Variants in NOS2 observed in about 807,000 individuals in gnomAD.
NOS2 encodes nitric oxide synthase, inducible.
NOS2 carries 96 observed loss-of-function variants against 136.0 expected under a neutral mutation model. The ratio of observed to expected loss-of-function variants is 0.71; its 90% CI spans 0.60 to 0.84. The LOEUF (loss-of-function observed/expected upper bound fraction) is 0.84. Among genes scored for constraint, NOS2 ranks in the 40% least tolerant of loss-of-function variants. The probability of loss-of-function intolerance (pLI) is 0.00; values close to 1 mark genes in which losing one functional copy is unlikely to be tolerated. For missense variants in NOS2, 1,237 were observed against 1,496.9 expected (o/e 0.83, Z 2.87); for synonymous variants, 539 against 587.5 (o/e 0.92, Z 1.20).
At chr17:27,790,936 G>T (rs1253208757) in intron 2 of NOS2, among the ~76,000 whole-genome samples, 2 of 152,108 alleles carry the variant, frequency 1.3e-5, no homozygotes, top group Non-Finnish European at 2.9e-5. Flanking sequence ...ATTTTCCAGG[G>T]TATGCATGCT....
At chr17:27,775,350 C>T (rs1009728214) in intron 11 of NOS2, among the ~76,000 whole-genome samples, 4 of 152,120 alleles carry the variant, frequency 2.6e-5, no homozygotes, top group African/African-American at 4.8e-5. Flanking sequence ...ATAATCCCAG[C>T]ACTTTGGGAG....
chr17:27,772,524 GA>G, intron 13 of NOS2, 72 bp from the exon 14 acceptor site: 1 of 1,562,202 alleles, frequency 6.4e-7, no homozygotes, highest in Non-Finnish European at 8.8e-7. Flanking sequence ...GGGACCAGGG[GA>G]ATGGGAGGGG....
intron 2 of NOS2, among the ~76,000 whole-genome samples, chr17:27,790,826 G>A (rs1909162801): frequency 1.3e-5 from 2 of 152,146 alleles, no homozygotes; most frequent in African/African-American, 4.8e-5. Context: ...TCATTCCGGC[G>A]AACTGAATAG....
At position 27,780,814 on chromosome 17, in the gene NOS2, G is replaced by A. The variant is rs34719207; in HGVS notation, c.957C>T (p.Phe319=). 6.8e-4 allele frequency: 1,102 copies of A among 1,614,192 alleles called. 6 individuals are homozygous for A. In the African/African-American group the frequency reaches 0.012, roughly 17 times the overall value. ...CAAGCACAAGGTCAGGTGGGATTTC[G>A]AAGAGCTCAGGGTCACGGCCATTGG... ...LQANGRDPEL[F]EIPPDLVLEV... The change falls in exon 9 of 27, where the codon TTC becomes TTT. Residue 319 remains phenylalanine, a synonymous_variant. Transcript: ENST00000313735.
intron 11 of NOS2, among the ~76,000 whole-genome samples, chr17:27,776,677 GAAAAAA>G (rs34069634): frequency 1.3e-5 from 1 of 78,124 alleles, no homozygotes; most frequent in Non-Finnish European, 2.5e-5. Flanking sequence ...ATCTCCAAAG[GAAAAAA>G]AAAAAAAAAA....
chr17:27,788,195 T>TGC (rs1909078336), intron 4 of NOS2, among the ~76,000 whole-genome samples: 3 of 39,964 alleles, frequency 7.5e-5, no homozygotes, highest in African/African-American at 2.2e-4. Flanking sequence ...GGCACACGCG[T>TGC]GCACACACAC....
At chr17:27,758,802 C>T (rs888514719) in intron 26 of NOS2, 79 bp downstream of exon 26, 76 of 1,134,980 alleles carry the variant, frequency 6.7e-5, no homozygotes, top group Middle Eastern at 6.2e-4. Context: ...TCCCCTGGGT[C>T]TACCTGCCAC....
intron 11 of NOS2, among the ~76,000 whole-genome samples, chr17:27,777,945 G>T (rs912037366): frequency 6.6e-5 from 10 of 151,990 alleles, no homozygotes; most frequent in Non-Finnish European, 1.5e-4. Context: ...GGCAGGCTAA[G>T]GTGGGAGGAT....
intron 5 of NOS2, among the ~76,000 whole-genome samples, chr17:27,786,871 G>A (rs1020256645): frequency 2.0e-5 from 3 of 152,148 alleles, no homozygotes; most frequent in African/African-American, 7.2e-5. Flanking sequence ...AATTGTATAC[G>A]TTGGCAATAA....
At chr17:27,796,308 G>A (rs1354282476) in intron 2 of NOS2, among the ~76,000 whole-genome samples, 1 of 152,070 alleles carries the variant, frequency 6.6e-6, no homozygotes, top group African/African-American at 2.4e-5. Context: ...AAATTAACCA[G>A]GCGTGGTGGC....
chr17:27,788,814 T>G lies in NOS2; in HGVS notation c.313A>C (p.Lys105Gln). 6.2e-7 allele frequency: 1 copy of G among 1,613,802 alleles called. No individual in the cohort carries two copies. Among genetic ancestry groups the G allele is most frequent in the Non-Finnish European group, 8.5e-7 (1 of 1,179,858 alleles). Residue 105 changes from lysine (K) to glutamine (Q), a missense_variant, in exon 4 of 27, where the codon AAA becomes CAA. Physicochemically the swap from Lys to Gln is moderately conservative, Grantham distance 53. This residue lies in a region of NOS2 where 440 missense variants were observed against 545.4 expected (regional missense o/e 0.81). Transcript: ENST00000313735. ...CCCTGAAGCCCCAGACTTACCCCTTTGGCCTTATGGTGAAGTGTGTCTTGG... is the reference window on the plus strand; with the variant it reads ...CCCTGAAGCCCCAGACTTACCCCTTGGGCCTTATGGTGAAGTGTGTCTTGG... Reference protein sequence around the residue: ...TFQDTLHHKAKGILTCRSKSC... With the variant: ...TFQDTLHHKAQGILTCRSKSC...
In NOS2 at chr17:27,758,979, G is replaced by T. The variant is rs113419464; in HGVS notation, c.3256C>A (p.Arg1086Ser). The T allele has an allele frequency of 6.2e-7, 1 of 1,613,050 alleles. No individual in the cohort carries two copies. Among genetic ancestry groups the T allele is most frequent in the East Asian group, 2.2e-5 (1 of 44,856 alleles). Residue 1086 changes from arginine (R) to serine (S), a missense_variant, in exon 26 of 27, where the codon CGC (arginine) becomes AGC (serine). By Grantham distance (110) the Arg-to-Ser change is moderately radical. This residue lies in a region of NOS2 where 782 missense variants were observed against 909.9 expected (regional missense o/e 0.86). Coordinates refer to ENST00000313735, the MANE Select transcript of NOS2 (RefSeq NM_000625.4). ...PGHLYVCGDV[R>S]MARDVAHTLK... The stretch of plus-strand genomic sequence containing the variant: ...GTGTGGGCCACGTCCCGGGCCATGC[G>T]CACATCCCCGCAAACATAGAGGTGG...
intron 2 of NOS2, among the ~76,000 whole-genome samples, chr17:27,791,395 T>C (rs995788785): frequency 6.6e-6 from 1 of 152,200 alleles, no homozygotes; most frequent in African/African-American, 2.4e-5. Flanking sequence ...CCATCCTTGA[T>C]AGCTTGTCGT....
chr17:27,777,061 G>A (rs1236624374), intron 11 of NOS2, among the ~76,000 whole-genome samples: 1 of 152,190 alleles, frequency 6.6e-6, no homozygotes, highest in Non-Finnish European at 1.5e-5. Context: ...GTCAGGATGT[G>A]TGGTGCAAAG....
intron 5 of NOS2, among the ~76,000 whole-genome samples, chr17:27,784,170 C>CA (rs1567640942): frequency 1.3e-5 from 2 of 150,930 alleles, no homozygotes; most frequent in East Asian, 2.0e-4. Flanking sequence ...ACTACCACCA[C>CA]CACCAACAAC....
intron 25 of NOS2, 112 bp from the exon 26 acceptor site, chr17:27,759,187 G>A (rs959863333): frequency 2.9e-6 from 2 of 700,566 alleles, no homozygotes; most frequent in African/African-American, 3.7e-5. Flanking sequence ...GGTGAGGAGT[G>A]AGTCCCCTTC....
Position 27,760,628 on chromosome 17 carries a change from T to C in NOS2, c.3005A>G (p.His1002Arg), listed in dbSNP as rs745804011. 1.9e-6 allele frequency: 3 copies of C among 1,553,538 alleles called. No homozygotes were observed. Among genetic ancestry groups the C allele is most frequent in the Non-Finnish European group, 2.6e-6 (3 of 1,148,168 alleles). Residue 1002 changes from histidine (H) to arginine (R), a missense_variant, in exon 24 of 27, where the codon CAC becomes CGC. By Grantham distance (29) the His-to-Arg change is conservative. Transcript: ENST00000313735. ...FWQQRLHDSQ[H>R]KGVRGGRMTL... ...TGGGAAGCCTCCAGCCTTACCCTTGTGCTGGGAGTCATGGAGCCGTTGCTG... is the reference window on the plus strand; with the variant it reads ...TGGGAAGCCTCCAGCCTTACCCTTGCGCTGGGAGTCATGGAGCCGTTGCTG...
intron 26 of NOS2, among the ~76,000 whole-genome samples, chr17:27,758,196 G>C (rs1444883769): frequency 2.6e-5 from 4 of 152,164 alleles, no homozygotes; most frequent in African/African-American, 9.7e-5. Context: ...TCAGTTGAAC[G>C]TATGAATGTG....
intron 14 of NOS2, 60 bp from the exon 15 acceptor site, chr17:27,771,077 C>T (rs554801044): frequency 2.3e-5 from 29 of 1,247,838 alleles, no homozygotes; most frequent in African/African-American, 1.2e-4. Flanking sequence ...CCCTACCCTG[C>T]GCAGACACCC....
Sources: allele counts gnomAD v4.1 joint callset (sites outside exome capture counted in the v4.1 genomes callset), GRCh38; gene constraint gnomAD v4.1.1; regional missense constraint gnomAD v4.1.1; transcripts MANE v1.5; gene names NCBI Gene and HGNC (gene_info 2026-07-23, HGNC 2026-07-21).